The following NLGN1 variants were observed in gnomAD, a reference collection of about 807,000 sequenced individuals.
The protein encoded by NLGN1 is neuroligin 1, also known as neuroligin-1.
A neutral mutation model predicts 65.5 loss-of-function variants in NLGN1; 12 were observed. That is an observed-to-expected ratio of 0.18 (90% CI 0.12 to 0.30). The LOEUF (loss-of-function observed/expected upper bound fraction) is 0.30. NLGN1 is among the 10% of genes least tolerant of loss of function. NLGN1 has a pLI of 1.00. For missense variants in NLGN1, 750 were observed against 1,007.1 expected (o/e 0.74, Z 3.46); for synonymous variants, 350 against 359.5 (o/e 0.97, Z 0.30).
chr3:174,034,609 T>C (rs1579906808), intron 4 of NLGN1, among the ~76,000 whole-genome samples: 2 of 152,112 alleles, frequency 1.3e-5, no homozygotes, highest in African/African-American at 4.8e-5. Flanking sequence ...ATAGTGTTAT[T>C]TGAAGGTAGA....
At chr3:173,809,507 G>A (rs1717421655) in intron 4 of NLGN1, among the ~76,000 whole-genome samples, 1 of 152,094 alleles carries the variant, frequency 6.6e-6, no homozygotes, top group South Asian at 2.1e-4. Flanking sequence ...AAATTGAAAT[G>A]CTAAATTATG....
intron 3 of NLGN1, among the ~76,000 whole-genome samples, chr3:173,749,767 T>G (rs1776058770): frequency 2.0e-5 from 3 of 152,142 alleles, no homozygotes; most frequent in Admixed American, 6.6e-5. Context: ...CTGTCACTCT[T>G]TAGTGATGAC....
chr3:173,446,578 C>T (rs1368202386), intron 2 of NLGN1, among the ~76,000 whole-genome samples: 1 of 152,102 alleles, frequency 6.6e-6, no homozygotes, highest in East Asian at 1.9e-4. Context: ...TGGGTATATA[C>T]CCAGTTATGG....
chr3:173,688,938 A>T (rs1765059344), intron 3 of NLGN1, among the ~76,000 whole-genome samples: 1 of 152,164 alleles, frequency 6.6e-6, no homozygotes, highest in Non-Finnish European at 1.5e-5. Context: ...CTGTTTTGGC[A>T]TCCTGTTGTC....
At chr3:173,578,880 GCT>G (rs1338684953) in intron 2 of NLGN1, among the ~76,000 whole-genome samples, 1 of 152,018 alleles carries the variant, frequency 6.6e-6, no homozygotes, top group Non-Finnish European at 1.5e-5. Context: ...AATGCATCAT[GCT>G]ATTATTAGCT....
At chr3:173,668,966 A>G (rs915231749) in intron 3 of NLGN1, among the ~76,000 whole-genome samples, 9 of 152,138 alleles carry the variant, frequency 5.9e-5, no homozygotes, top group African/African-American at 2.2e-4. Flanking sequence ...ACTTTGTTCA[A>G]GGGTATTCTG....
chr3:173,921,435 G>A (rs1292477836), intron 4 of NLGN1, among the ~76,000 whole-genome samples: 3 of 151,190 alleles, frequency 2.0e-5, no homozygotes, highest in African/African-American at 4.8e-5. Context: ...TAAAAAAATG[G>A]TTTTCTTTCC....
intron 3 of NLGN1, among the ~76,000 whole-genome samples, chr3:173,636,946 C>CT (rs1485213215): frequency 6.6e-6 from 1 of 152,016 alleles, no homozygotes; most frequent in African/African-American, 2.4e-5. Context: ...TATGCTTAAG[C>CT]TAGTGTGAAA....
In NLGN1 at chr3:173,682,888, A is replaced by G. The variant is rs559791698; in HGVS notation, c.493+77797A>G. Among the ~76,000 whole-genome samples the G allele has an allele frequency of 2.6e-5, 4 of 152,318 alleles. No individual in the cohort carries two copies. In the South Asian group the frequency reaches 8.3e-4, roughly 32 times the overall value. Reference sequence around the variant, plus strand: ...GAAACCTGAGGTTCATATCAAATTTAGATATCTCTTTAGTTGAAGAAAGCC... The same window carrying G: ...GAAACCTGAGGTTCATATCAAATTTGGATATCTCTTTAGTTGAAGAAAGCC... On this transcript the variant is annotated intron_variant, in intron 3 of 6. Transcript: ENST00000457714.
intron 4 of NLGN1, among the ~76,000 whole-genome samples, chr3:173,961,389 A>G (rs1355091464): frequency 5.3e-5 from 8 of 152,098 alleles, no homozygotes; most frequent in Non-Finnish European, 7.4e-5. Context: ...TTTACTTCCA[A>G]TTTTACTAAT....
chr3:173,626,282 A>T (rs1754812568), intron 3 of NLGN1, among the ~76,000 whole-genome samples: 1 of 152,086 alleles, frequency 6.6e-6, no homozygotes, highest in South Asian at 2.1e-4. Context: ...TATTAGTATT[A>T]CCAGGAGAAA....
chr3:174,006,009 C>G (rs1365088256), intron 4 of NLGN1, among the ~76,000 whole-genome samples: 3 of 152,090 alleles, frequency 2.0e-5, no homozygotes, highest in Non-Finnish European at 4.4e-5. Context: ...TCAAACTGCC[C>G]TCTCCTGCCT....
chr3:173,419,450 C>T lies in NLGN1; in HGVS notation c.-389-15560C>T, dbSNP rs567776857. On this transcript the variant is annotated intron_variant, in intron 1 of 6. Transcript: ENST00000457714. The stretch of plus-strand genomic sequence containing the variant: ...CAGAGGAATTTGGAATGTTTCTGGT[C>T]GGAGATTTTTTTTTGTTTATGATCA... Among the ~76,000 whole-genome samples, 190 of 151,772 alleles carry T rather than the reference C, an allele frequency of 1.3e-3. 7 individuals are homozygous for T. In the South Asian group the frequency reaches 0.031, roughly 25 times the overall value.
intron 3 of NLGN1, among the ~76,000 whole-genome samples, chr3:173,630,510 A>C (rs967770756): frequency 3.3e-5 from 5 of 152,134 alleles, no homozygotes; most frequent in Non-Finnish European, 1.5e-5. Context: ...TTTCCCTAAA[A>C]ATCAAGTGGT....
chr3:173,792,255 A>G (rs573769710), intron 3 of NLGN1, among the ~76,000 whole-genome samples: 1 of 152,280 alleles, frequency 6.6e-6, no homozygotes, highest in South Asian at 2.1e-4. Context: ...GTTTCCAGTG[A>G]GACCCACTCA....
chr3:174,033,231 G>T (rs894161904), intron 4 of NLGN1, among the ~76,000 whole-genome samples: 2 of 152,148 alleles, frequency 1.3e-5, no homozygotes, highest in African/African-American at 4.8e-5. Context: ...GACGTCGAAA[G>T]TTAAGAGTGA....
chr3:173,695,165 T>A (rs919172214), intron 3 of NLGN1, among the ~76,000 whole-genome samples: 13 of 151,758 alleles, frequency 8.6e-5, no homozygotes, highest in East Asian at 1.9e-4. Flanking sequence ...ATACTTCATT[T>A]AAAAAAAATA....
At chr3:173,591,639 A>G (rs897416972) in intron 2 of NLGN1, among the ~76,000 whole-genome samples, 1 of 152,206 alleles carries the variant, frequency 6.6e-6, no homozygotes, top group Non-Finnish European at 1.5e-5. Flanking sequence ...ACTCAAACTT[A>G]GCACTGCCTC....
At chr3:173,983,438 G>A (rs1719203546) in intron 4 of NLGN1, among the ~76,000 whole-genome samples, 1 of 152,188 alleles carries the variant, frequency 6.6e-6, no homozygotes, top group South Asian at 2.1e-4. Context: ...GATTAGTGCA[G>A]AATTTCCTTA....
Sources: gnomAD v4.1 joint callset for allele counts (sites outside exome capture counted in the v4.1 genomes callset) on GRCh38, gnomAD v4.1.1 for gene constraint, MANE v1.5 for transcripts, NCBI Gene and HGNC (gene_info 2026-07-23, HGNC 2026-07-21) for gene names.